FGGY: variants seen among roughly 807,000 people sequenced by gnomAD.
FGGY encodes FGGY carbohydrate kinase domain containing.
Under a neutral mutation model 71.3 loss-of-function variants are expected in FGGY, and 72 were observed. The observed-to-expected ratio is 1.01, with a 90% CI of 0.84 to 1.23. The LOEUF is 1.23. FGGY is among the 50% of genes most tolerant of loss of function. The probability of loss-of-function intolerance (pLI) is 0.00; values close to 1 mark genes in which losing one functional copy is unlikely to be tolerated. For missense variants in FGGY, 668 were observed against 682.3 expected, an observed-to-expected ratio of 0.98 and a Z score of 0.23; for synonymous variants, 251 against 250.3, an observed-to-expected ratio of 1.00 and a Z score of -0.02.
chr1:59,698,042 T>A (rs1211043056), intron 14 of FGGY, among the ~76,000 whole-genome samples: 1 of 152,134 alleles, frequency 6.6e-6, no homozygotes, highest in Non-Finnish European at 1.5e-5. Flanking sequence ...ATTGATGAGA[T>A]GCTTTCTGTA....
intron 5 of FGGY, among the ~76,000 whole-genome samples, chr1:59,436,745 T>G (rs2153470673): frequency 6.6e-6 from 1 of 152,202 alleles, no homozygotes; most frequent in South Asian, 2.1e-4. Context: ...GCCTGGAGAC[T>G]GGGTAAAGTT....
chr1:59,735,358 G>A (rs1275000769), intron 14 of FGGY, among the ~76,000 whole-genome samples: 1 of 152,146 alleles, frequency 6.6e-6, no homozygotes, highest in African/African-American at 2.4e-5. Flanking sequence ...AACCTCTTTA[G>A]CTCATGAGGA....
intron 7 of FGGY, among the ~76,000 whole-genome samples, chr1:59,516,973 G>A (rs961469698): frequency 1.2e-4 from 18 of 152,156 alleles, no homozygotes; most frequent in Non-Finnish European, 2.2e-4. Context: ...TGGAAAAAGA[G>A]GAGGAAGGGC....
intron 8 of FGGY, among the ~76,000 whole-genome samples, chr1:59,593,292 A>G (rs1300611998): frequency 1.3e-5 from 2 of 152,236 alleles, no homozygotes; most frequent in Non-Finnish European, 2.9e-5. Context: ...CAAGGCAATC[A>G]ACATATAAAT....
intron 4 of FGGY, among the ~76,000 whole-genome samples, chr1:59,372,013 G>A (rs534767841): frequency 6.6e-6 from 1 of 152,046 alleles, no homozygotes; most frequent in East Asian, 1.9e-4. Flanking sequence ...AAAAGCAAGA[G>A]CAAACACATT....
chr1:59,374,802 G>T (rs1158551610), intron 4 of FGGY, among the ~76,000 whole-genome samples: 1 of 150,484 alleles, frequency 6.6e-6, no homozygotes, highest in African/African-American at 2.4e-5. Flanking sequence ...GTAAACTATC[G>T]CAAGAACAAA....
chr1:59,509,062 G>A (rs2094459357), intron 6 of FGGY, among the ~76,000 whole-genome samples: 1 of 152,172 alleles, frequency 6.6e-6, no homozygotes. Flanking sequence ...GCTGTCCTGG[G>A]AGGTGCATCA....
rs150575078 is a variant in FGGY, at chr1:59,551,742, C to T, written c.800-2382C>T. Among the ~76,000 whole-genome samples, 29 of 151,984 alleles carry T rather than the reference C, an allele frequency of 1.9e-4. No individual in the cohort carries two copies. In the East Asian group the frequency reaches 5.2e-3, roughly 27 times the overall value. The stretch of plus-strand genomic sequence containing the variant: ...GAAGTTACTACTCATTTCTAAGCTT[C>T]GATTTTCTTATCCATAAAATGAGGA... On this transcript the variant is annotated intron_variant, in intron 7 of 15. Coordinates refer to ENST00000303721, the MANE Select transcript of FGGY (RefSeq NM_018291.5).
intron 14 of FGGY, chr1:59,755,760 C>T (rs2098284449): frequency 6.6e-6 from 1 of 152,118 alleles, no homozygotes; most frequent in South Asian, 2.1e-4. Flanking sequence ...TTATGGAGTA[C>T]CTTCTATAAT....
chr1:59,356,951 G>T (rs1308394482), intron 4 of FGGY, among the ~76,000 whole-genome samples: 1 of 152,164 alleles, frequency 6.6e-6, no homozygotes, highest in Non-Finnish European at 1.5e-5. Flanking sequence ...CCCCCCAGGA[G>T]AATCCAAGAC....
chr1:59,491,855 A>T (rs927622987), intron 6 of FGGY, among the ~76,000 whole-genome samples: 1 of 152,170 alleles, frequency 6.6e-6, no homozygotes, highest in Admixed American at 6.6e-5. Context: ...ATATAGGACT[A>T]TAAGATTTAA....
At chr1:59,412,481 A>C (rs1006742921) in intron 5 of FGGY, among the ~76,000 whole-genome samples, 2 of 151,650 alleles carry the variant, frequency 1.3e-5, no homozygotes, top group Non-Finnish European at 2.9e-5. Context: ...CCCTTTGTCT[A>C]TCAGTCCTCT....
At chr1:59,650,966 G>A (rs1224732969) in intron 11 of FGGY, among the ~76,000 whole-genome samples, 1 of 151,260 alleles carries the variant, frequency 6.6e-6, no homozygotes, top group East Asian at 1.9e-4. Context: ...GTTCTCGTTG[G>A]TTTCAAAGAA....
At chr1:59,653,995 G>C (rs1443975019) in intron 11 of FGGY, among the ~76,000 whole-genome samples, 2 of 152,086 alleles carry the variant, frequency 1.3e-5, no homozygotes, top group African/African-American at 4.8e-5. Flanking sequence ...ACGTCATCTG[G>C]CTATTAAATA....
At chr1:59,520,226 A>G (rs1195465204) in intron 7 of FGGY, among the ~76,000 whole-genome samples, 1 of 152,258 alleles carries the variant, frequency 6.6e-6, no homozygotes, top group Non-Finnish European at 1.5e-5. Context: ...TTTTGCTGAT[A>G]CATTAGTACT....
intron 6 of FGGY, among the ~76,000 whole-genome samples, chr1:59,462,274 G>C (rs529374948): frequency 1.8e-4 from 27 of 152,238 alleles, no homozygotes; most frequent in African/African-American, 6.5e-4. Context: ...GCTGAAACTG[G>C]ATCCCTTCCT....
At chr1:59,409,635 G>T (rs1308374002) in intron 5 of FGGY, among the ~76,000 whole-genome samples, 1 of 145,050 alleles carries the variant, frequency 6.9e-6, no homozygotes, top group Non-Finnish European at 1.5e-5. Flanking sequence ...AACAGACAAG[G>T]CAACTAAAGC....
chr1:59,757,032 A>G (rs74758627), intron 14 of FGGY, among the ~76,000 whole-genome samples: 8,977 of 152,192 alleles, frequency 0.059, 362 homozygotes, highest in Admixed American at 0.095. Flanking sequence ...AAATGTGTAG[A>G]ATAAGAAGTT....
intron 8 of FGGY, among the ~76,000 whole-genome samples, chr1:59,577,697 C>T (rs796979651): frequency 2.4e-4 from 37 of 152,192 alleles, no homozygotes; most frequent in African/African-American, 8.7e-4. Flanking sequence ...TATGATGGCT[C>T]TAATCATATA....
Sources: gnomAD v4.1 joint callset for allele counts (sites outside exome capture counted in the v4.1 genomes callset) on GRCh38, gnomAD v4.1.1 for gene constraint, MANE v1.5 for transcripts, NCBI Gene and HGNC (gene_info 2026-07-23, HGNC 2026-07-21) for gene names.